Variants in DAOA observed in about 807,000 individuals in gnomAD.
DAOA encodes the protein D-amino acid oxidase regulator.
In DAOA, 15 loss-of-function variants were observed where a neutral mutation model predicts 16.4. The observed-to-expected ratio is 0.91, with a 90% CI of 0.61 to 1.41. The LOEUF (loss-of-function observed/expected upper bound fraction) is 1.41. DAOA is among the 40% of genes most tolerant of loss of function. The pLI is 0.00. For synonymous variants in DAOA, 75 were observed against 59.1 expected (o/e 1.27, Z -1.23); for missense variants, 230 against 176.8 (o/e 1.30, Z -1.71).
chr13:105,470,369 C>T (rs1200100972), intron 3 of DAOA, among the ~76,000 whole-genome samples: 2 of 152,014 alleles, frequency 1.3e-5, no homozygotes, highest in African/African-American at 4.8e-5. Flanking sequence ...TTCTTTTTTA[C>T]CCCCATGGCT....
At chr13:105,473,867 C>T (rs772791231) in intron 4 of DAOA, among the ~76,000 whole-genome samples, 1 of 152,072 alleles carries the variant, frequency 6.6e-6, no homozygotes, top group Non-Finnish European at 1.5e-5. Flanking sequence ...TACAGGAAAG[C>T]TACTTAAATA....
intron 3 of DAOA, among the ~76,000 whole-genome samples, chr13:105,470,452 A>T (rs557098394): frequency 6.6e-6 from 1 of 152,116 alleles, no homozygotes; most frequent in Non-Finnish European, 1.5e-5. Flanking sequence ...CAAAATGCCA[A>T]ACAACACACT....
chr13:105,488,445 A>G (rs1878284024), intron 4 of DAOA, among the ~76,000 whole-genome samples: 1 of 152,234 alleles, frequency 6.6e-6, no homozygotes, highest in African/African-American at 2.4e-5. Flanking sequence ...TTGGTACATT[A>G]TTGGGTAATG....
intron 4 of DAOA, among the ~76,000 whole-genome samples, chr13:105,478,671 C>A (rs1170242767): frequency 6.6e-6 from 1 of 152,156 alleles, no homozygotes; most frequent in East Asian, 1.9e-4. Flanking sequence ...ATTTATCTTG[C>A]TTTATTTCTG....
chr13:105,473,420 T>C (rs896648057), intron 4 of DAOA, among the ~76,000 whole-genome samples: 7 of 152,136 alleles, frequency 4.6e-5, no homozygotes, highest in Non-Finnish European at 1.0e-4. Flanking sequence ...TTGCATTTTT[T>C]TTACCTTTTT....
Position 105,490,050 on chromosome 13 carries a change from A to G in DAOA, c.431A>G (p.His144Arg), listed in dbSNP as rs954958078. ...CAGCAAAAAGACCAGTCATGCAACC[A>G]CAAGGAAATAACTTCTACCAAAGCT... is the stretch of plus-strand genomic sequence containing the variant. ...YNQQKDQSCN[H>R]KEITSTKAE Residue 144 changes from histidine (H) to arginine (R), a missense_variant, in exon 5 of 6, where the codon CAC becomes CGC. Transcript: ENST00000375936. The G allele has an allele frequency of 6.3e-7, 1 of 1,583,786 alleles. No homozygotes were observed. The highest frequency in any genetic ancestry group is 8.6e-7 in the Non-Finnish European group (1 of 1,163,910).
chr13:105,466,807 G>A (rs1414940738), intron 2 of DAOA, among the ~76,000 whole-genome samples: 2 of 152,068 alleles, frequency 1.3e-5, no homozygotes, highest in African/African-American at 2.4e-5. Flanking sequence ...AAGACCTGGA[G>A]TGAACTCTCC....
At chr13:105,475,241 A>G (rs1295506053) in intron 4 of DAOA, among the ~76,000 whole-genome samples, 1 of 152,174 alleles carries the variant, frequency 6.6e-6, no homozygotes, top group African/African-American at 2.4e-5. Context: ...CCATGAATGC[A>G]GAGCCTTGGA....
chr13:105,484,321 T>G (rs1001068583), intron 4 of DAOA, among the ~76,000 whole-genome samples: 2 of 152,170 alleles, frequency 1.3e-5, no homozygotes, highest in Non-Finnish European at 2.9e-5. Flanking sequence ...AACAATTCTT[T>G]TGCGTTTACA....
At chr13:105,472,034 T>TC (rs777789555) in intron 3 of DAOA, among the ~76,000 whole-genome samples, 9 of 152,006 alleles carry the variant, frequency 5.9e-5, no homozygotes, top group Non-Finnish European at 1.0e-4. Context: ...CAACTTAAGA[T>TC]CCCCTCAAAA....
In DAOA at chr13:105,466,350, T is replaced by A. The variant is rs1315814560; in HGVS notation, c.44+18T>A. 2 of 1,613,900 alleles carry A rather than the reference T, an allele frequency of 1.2e-6. No homozygotes were observed. Among genetic ancestry groups the A allele is most frequent in the South Asian group, 2.2e-5 (2 of 91,038 alleles). On this transcript the variant is annotated intron_variant, in intron 2 of 5. Coordinates refer to ENST00000375936, the MANE Select transcript of DAOA (RefSeq NM_172370.5). ...CTTTTCAGGTAGGTAGCTTGGGGTTTTTTACAGCATGGCGGCCTCAGTGCA... is the reference window on the plus strand; with the variant it reads ...CTTTTCAGGTAGGTAGCTTGGGGTTATTTACAGCATGGCGGCCTCAGTGCA...
chr13:105,485,869 A>C (rs1328109761), intron 4 of DAOA, among the ~76,000 whole-genome samples: 2 of 152,228 alleles, frequency 1.3e-5, no homozygotes, highest in Non-Finnish European at 2.9e-5. Flanking sequence ...TAAAGTCTTT[A>C]GAGAGAGCAT....
intron 4 of DAOA, 66 bp downstream of exon 4, chr13:105,472,751 G>C: frequency 6.9e-7 from 1 of 1,449,938 alleles, no homozygotes; most frequent in Non-Finnish European, 9.4e-7. Context: ...TGGAACTTAC[G>C]AAAGCAACTT....
chr13:105,478,752 C>T (rs114274739), intron 4 of DAOA, among the ~76,000 whole-genome samples: 1,601 of 152,240 alleles, frequency 0.011, 29 homozygotes, highest in African/African-American at 0.037. Flanking sequence ...TGATTTGTCC[C>T]ATGCCCCTTC....
intron 4 of DAOA, among the ~76,000 whole-genome samples, chr13:105,482,224 C>A (rs1300248566): frequency 1.3e-5 from 2 of 152,164 alleles, no homozygotes; most frequent in African/African-American, 2.4e-5. Context: ...ACAGCCAAAC[C>A]ATATTACTTG....
At chr13:105,490,701 T>A (rs1409559913) in intron 5 of DAOA, 1 of 152,164 alleles carries the variant, frequency 6.6e-6, no homozygotes, top group East Asian at 1.9e-4. Flanking sequence ...TCTTATGTCC[T>A]AAGGTTATTA....
At chr13:105,469,877 G>A (rs1876801221) in intron 3 of DAOA, among the ~76,000 whole-genome samples, 1 of 152,096 alleles carries the variant, frequency 6.6e-6, no homozygotes, top group African/African-American at 2.4e-5. Flanking sequence ...TATTCTGACA[G>A]TTGTGTTTTC....
chr13:105,478,453 A>G (rs541928917), intron 4 of DAOA, among the ~76,000 whole-genome samples: 59 of 152,312 alleles, frequency 3.9e-4, no homozygotes, highest in African/African-American at 1.3e-3. Context: ...CTAGGACAAT[A>G]GCAGCTTTTC....
intron 3 of DAOA, among the ~76,000 whole-genome samples, chr13:105,471,962 C>A (rs1357874640): frequency 1.3e-5 from 2 of 152,180 alleles, no homozygotes; most frequent in Non-Finnish European, 2.9e-5. Flanking sequence ...ACTCCATTCT[C>A]TTTCCACGCC....
Sources: allele counts gnomAD v4.1 joint callset (sites outside exome capture counted in the v4.1 genomes callset), GRCh38; gene constraint gnomAD v4.1.1; transcripts MANE v1.5; gene names NCBI Gene and HGNC (gene_info 2026-07-23, HGNC 2026-07-21).